Variants in AGBL1 observed in about 807,000 individuals in gnomAD.
AGBL1 encodes the protein cytosolic carboxypeptidase 4.
AGBL1 carries 130 observed loss-of-function variants against 118.9 expected under a neutral mutation model. The observed-to-expected ratio is 1.09, with a 90% confidence interval of 0.95 to 1.26. The LOEUF is 1.26. AGBL1 is among the 50% of genes most tolerant of loss of function. The pLI is 0.00. For synonymous variants in AGBL1, 555 were observed against 478.9 expected, an observed-to-expected ratio of 1.16 and a Z score of -2.08; for missense variants, 1,584 against 1,298.1, an observed-to-expected ratio of 1.22 and a Z score of -3.38.
intron 18 of AGBL1, among the ~76,000 whole-genome samples, chr15:86,512,343 T>G (rs2083062098): frequency 1.3e-5 from 2 of 151,974 alleles, no homozygotes; most frequent in Non-Finnish European, 2.9e-5. Flanking sequence ...TCTTGAATAT[T>G]GATAAGAATT....
intron 18 of AGBL1, among the ~76,000 whole-genome samples, chr15:86,475,011 G>T (rs141472780): frequency 0.015 from 2,346 of 152,302 alleles, 68 homozygotes; most frequent in African/African-American, 0.052. Context: ...GCAGCTGAGG[G>T]TCCTGAATGT....
chr15:86,184,708 G>C (rs1045090734), intron 5 of AGBL1, among the ~76,000 whole-genome samples: 2 of 151,972 alleles, frequency 1.3e-5, no homozygotes, highest in Non-Finnish European at 2.9e-5. Flanking sequence ...TGGCCATACT[G>C]CCCAAGGTAA....
rs200431794 is a variant in AGBL1 at position 86,397,448 on chromosome 15, G to A, written c.2457G>A (p.Glu819=). ...NASWVMKGTL[E]FLVSSDPVAR... is the part of the protein sequence containing the mutation. ...GTTGGGTGATGAAGGGTACCTTGGA[G>A]TTCCTGGTCAGCAGTGACCCTGTGG... The change falls in exon 18 of 23, where the codon GAG becomes GAA. Residue 819 remains glutamate, a synonymous_variant. Coordinates refer to ENST00000614907, the MANE Select transcript of AGBL1 (RefSeq NM_001386094.1). The A allele has an allele frequency of 1.2e-5, 20 of 1,613,198 alleles. No homozygotes were observed. The highest frequency in any genetic ancestry group is 1.7e-5 in the Non-Finnish European group (20 of 1,179,410).
intron 21 of AGBL1, among the ~76,000 whole-genome samples, chr15:86,558,169 T>A (rs1381319562): frequency 6.6e-6 from 1 of 152,118 alleles, no homozygotes; most frequent in Non-Finnish European, 1.5e-5. Context: ...GCAGAAAGAC[T>A]TCCATCCATA....
At position 86,815,898 on chromosome 15, in the gene AGBL1, G is replaced by A. The variant is rs370082260; in HGVS notation, c.3159-91189G>A. ...TATAGCAAAGGAGATTTTCATAAAG[G>A]ATGCTTTGGGGAAGGAAACGGTGGG... On this transcript the variant is annotated intron_variant, in intron 22 of 22. Coordinates refer to ENST00000614907, the MANE Select transcript of AGBL1 (RefSeq NM_001386094.1). Among the ~76,000 whole-genome samples, 8 of 152,246 alleles carry A rather than the reference G, an allele frequency of 5.3e-5. No homozygotes were observed. The East Asian group carries it at 1.2e-3, about 22-fold the overall frequency.
At chr15:86,180,675 C>G (rs1467501302) in intron 5 of AGBL1, among the ~76,000 whole-genome samples, 1 of 152,010 alleles carries the variant, frequency 6.6e-6, no homozygotes, top group Non-Finnish European at 1.5e-5. Flanking sequence ...ATAAACTGTA[C>G]TTTATCAATA....
intron 22 of AGBL1, among the ~76,000 whole-genome samples, chr15:86,881,392 G>C (rs78183397): frequency 1.3e-3 from 198 of 152,194 alleles, no homozygotes; most frequent in African/African-American, 4.5e-3. Flanking sequence ...TTGGTAATCT[G>C]TCATTTTAGT....
At chr15:86,972,131 G>C (rs2081114781) in intron 23 of AGBL1, among the ~76,000 whole-genome samples, 1 of 151,930 alleles carries the variant, frequency 6.6e-6, no homozygotes, top group Non-Finnish European at 1.5e-5. Context: ...GATGAATATA[G>C]TTTTCCATTT....
chr15:86,862,494 C>T (rs1012367056), intron 22 of AGBL1, among the ~76,000 whole-genome samples: 2 of 152,078 alleles, frequency 1.3e-5, no homozygotes, highest in African/African-American at 2.4e-5. Context: ...CCGAGGCGGG[C>T]GGATCGCCTG....
chr15:86,487,792 C>T (rs958602952), intron 18 of AGBL1, among the ~76,000 whole-genome samples: 6 of 151,918 alleles, frequency 3.9e-5, no homozygotes, highest in African/African-American at 9.7e-5. Context: ...TCTAAGCAGC[C>T]GAACATATTT....
chr15:86,590,267 G>C (rs1401878608), intron 21 of AGBL1, among the ~76,000 whole-genome samples: 2 of 152,154 alleles, frequency 1.3e-5, no homozygotes, highest in African/African-American at 4.8e-5. Context: ...TTGAATTATA[G>C]TTCCCATAAT....
intron 22 of AGBL1, among the ~76,000 whole-genome samples, chr15:86,802,748 T>C (rs2141351733): frequency 6.6e-6 from 1 of 152,222 alleles, no homozygotes; most frequent in East Asian, 1.9e-4. Flanking sequence ...AACATAAAGG[T>C]GAGGTAAAGG....
rs147542610 is a variant in AGBL1 at position 86,969,458 on chromosome 15, C to G, written c.3222-18529C>G. ...AACACCTTAAGTCTCTGCCATGTCC[C>G]AGACCAGAGTCAGTGAGGATACATG... On this transcript the variant is annotated intron_variant, in intron 23 of 24. Transcript: ENST00000441037. Among the ~76,000 whole-genome samples, 4 of 151,842 alleles carry G rather than the reference C, an allele frequency of 2.6e-5. No individual in the cohort carries two copies. In the East Asian group the frequency reaches 7.8e-4, roughly 30 times the overall value.
At chr15:86,973,898 T>G (rs2081136903) in intron 23 of AGBL1, among the ~76,000 whole-genome samples, 1 of 141,784 alleles carries the variant, frequency 7.1e-6, no homozygotes, top group Non-Finnish European at 1.5e-5. Context: ...TATACATATA[T>G]ATATTAAATA....
chr15:86,616,370 A>C (rs2084725734), intron 21 of AGBL1, among the ~76,000 whole-genome samples: 1 of 151,848 alleles, frequency 6.6e-6, no homozygotes, highest in Non-Finnish European at 1.5e-5. Flanking sequence ...AAAAAAAAAA[A>C]AATGAAGATG....
intron 18 of AGBL1, among the ~76,000 whole-genome samples, chr15:86,405,923 G>C (rs1356610207): frequency 1.3e-5 from 2 of 152,154 alleles, no homozygotes; most frequent in Non-Finnish European, 2.9e-5. Context: ...CCAGAACCTA[G>C]CAGGTTGAGG....
At chr15:86,879,129 G>T (rs1375866452) in intron 22 of AGBL1, among the ~76,000 whole-genome samples, 2 of 152,236 alleles carry the variant, frequency 1.3e-5, no homozygotes, top group Non-Finnish European at 2.9e-5. Context: ...TCTGGCAGGT[G>T]GCAGCTTCCT....
At chr15:86,214,016 A>G (rs1433469492) in intron 5 of AGBL1, among the ~76,000 whole-genome samples, 1 of 152,196 alleles carries the variant, frequency 6.6e-6, no homozygotes, top group Admixed American at 6.5e-5. Context: ...TGAATTGCAC[A>G]ATATTTGTCT....
chr15:87,029,623 T>A (rs188852178), downstream of AGBL1, among the ~76,000 whole-genome samples: 1 of 151,972 alleles, frequency 6.6e-6, no homozygotes, highest in Admixed American at 6.6e-5. Flanking sequence ...GTCCATTTTA[T>A]AATGAGGAAA....
Sources: allele counts gnomAD v4.1 joint callset (sites outside exome capture counted in the v4.1 genomes callset), GRCh38; gene constraint gnomAD v4.1.1; transcripts MANE v1.5; gene names NCBI Gene and HGNC (gene_info 2026-07-23, HGNC 2026-07-21).